REDIC1: variants seen among roughly 807,000 people sequenced by gnomAD.
The protein encoded by REDIC1 is HEI10 Interacting Protein 1.
the REDIC1 span, among the ~76,000 whole-genome samples, chr12:39,712,331 T>C: frequency 2.7e-5 from 3 of 111,056 alleles, no homozygotes; most frequent in Non-Finnish European, 5.8e-5. Context: ...TACATATGTT[T>C]ATATACCTGT....
At chr12:39,770,869 T>C in the REDIC1 span, among the ~76,000 whole-genome samples, 1 of 152,152 alleles carries the variant, frequency 6.6e-6, no homozygotes, top group Admixed American at 6.6e-5. Context: ...CTAGGAGCTT[T>C]GGTATTGACA....
the REDIC1 span, chr12:39,760,212 G>A: frequency 2.5e-6 from 4 of 1,612,510 alleles, no homozygotes; most frequent in Admixed American, 5.0e-5. Context: ...AGATGAAAAG[G>A]AGTCCCACAG....
chr12:39,712,639 AT>A, the REDIC1 span, among the ~76,000 whole-genome samples: 1 of 145,104 alleles, frequency 6.9e-6, no homozygotes, highest in African/African-American at 2.5e-5. Flanking sequence ...ATGTATACAC[AT>A]TTATATTTAT....
At chr12:39,689,765 G>A in the REDIC1 span, among the ~76,000 whole-genome samples, 1 of 152,078 alleles carries the variant, frequency 6.6e-6, no homozygotes, top group African/African-American at 2.4e-5. Flanking sequence ...AAGCTGTCCT[G>A]TTATTCCTTT....
At chr12:39,795,319 C>T in the REDIC1 span, among the ~76,000 whole-genome samples, 1 of 152,032 alleles carries the variant, frequency 6.6e-6, no homozygotes, top group African/African-American at 2.4e-5. Flanking sequence ...GATAAATCTA[C>T]ACAGTTTTAA....
chr12:39,857,544 CT>C, the REDIC1 span, among the ~76,000 whole-genome samples: 1 of 152,204 alleles, frequency 6.6e-6, no homozygotes, highest in Non-Finnish European at 1.5e-5. Context: ...CTACTAAGTT[CT>C]TTTAACCTTT....
chr12:39,738,855 CATAAA>C, the REDIC1 span, among the ~76,000 whole-genome samples: 1 of 151,754 alleles, frequency 6.6e-6, no homozygotes, highest in Non-Finnish European at 1.5e-5. Flanking sequence ...TATGTATGAA[CATAAA>C]ATATTTCAGT....
chr12:39,869,381 A>C, the REDIC1 span, among the ~76,000 whole-genome samples: 1 of 152,184 alleles, frequency 6.6e-6, no homozygotes, highest in Non-Finnish European at 1.5e-5. Flanking sequence ...TGTACAGGTA[A>C]AAGAGGAGAC....
chr12:39,896,325 T>C, the REDIC1 span, among the ~76,000 whole-genome samples: 5 of 141,260 alleles, frequency 3.5e-5, no homozygotes, highest in East Asian at 4.5e-4. Context: ...TGTATGTATA[T>C]GTGTATATAT....
chr12:39,867,989 C>G, the REDIC1 span, among the ~76,000 whole-genome samples: 9 of 152,232 alleles, frequency 5.9e-5, no homozygotes, highest in South Asian at 1.0e-3. Context: ...TCACTTAGTC[C>G]TATCATCTAC....
chr12:39,635,582 G>A, the REDIC1 span, among the ~76,000 whole-genome samples: 20 of 147,602 alleles, frequency 1.4e-4, no homozygotes, highest in Non-Finnish European at 6.0e-5. Context: ...TCATAGGTGG[G>A]AGTTGAACAA....
At chr12:39,901,096 C>G in the REDIC1 span, among the ~76,000 whole-genome samples, 33 of 152,238 alleles carry the variant, frequency 2.2e-4, no homozygotes, top group African/African-American at 7.5e-4. Context: ...GGAAAGGATT[C>G]CCTATTTAAT....
the REDIC1 span, among the ~76,000 whole-genome samples, chr12:39,745,534 G>T: frequency 3.3e-5 from 5 of 152,136 alleles, no homozygotes; most frequent in Admixed American, 2.0e-4. Context: ...ATGAAATCAT[G>T]TACATTAAGT....
the REDIC1 span, among the ~76,000 whole-genome samples, chr12:39,681,362 G>C: frequency 6.6e-6 from 1 of 152,084 alleles, no homozygotes; most frequent in Admixed American, 6.6e-5. Context: ...TATACATTGG[G>C]TACAGTGTAC....
At chr12:39,806,873 TATACA>T in the REDIC1 span, among the ~76,000 whole-genome samples, 1 of 152,160 alleles carries the variant, frequency 6.6e-6, no homozygotes, top group Non-Finnish European at 1.5e-5. Context: ...ATATTCATAC[TATACA>T]ATACTACTCA....
chr12:39,688,932 GA>G, the REDIC1 span, among the ~76,000 whole-genome samples: 1 of 152,076 alleles, frequency 6.6e-6, no homozygotes, highest in East Asian at 1.9e-4. Flanking sequence ...GAGGTGGCAG[GA>G]AAAAGGTTAA....
At chr12:39,696,082 A>G in the REDIC1 span, among the ~76,000 whole-genome samples, 1 of 152,140 alleles carries the variant, frequency 6.6e-6, no homozygotes, top group Non-Finnish European at 1.5e-5. Context: ...CTTAGGTCTC[A>G]ACACCCAAGT....
At chr12:39,756,501 A>G in the REDIC1 span, 98 of 151,998 alleles carry the variant, frequency 6.4e-4, no homozygotes, top group African/African-American at 2.2e-3. Flanking sequence ...ATGAAATAAA[A>G]CCAAAATAAC....
At chr12:39,644,462 T>A in the REDIC1 span, among the ~76,000 whole-genome samples, 1 of 151,812 alleles carries the variant, frequency 6.6e-6, no homozygotes, top group African/African-American at 2.4e-5. Flanking sequence ...TTAGAGTATA[T>A]TTTTCCTCTT....
Sources: allele counts gnomAD v4.1 joint callset (sites outside exome capture counted in the v4.1 genomes callset), GRCh38; gene constraint gnomAD v4.1.1; transcripts MANE v1.5; gene names NCBI Gene and HGNC (gene_info 2026-07-23, HGNC 2026-07-21).